Variants in ZPBP observed in about 807,000 individuals in gnomAD.
The protein encoded by ZPBP is zona pellucida binding protein, also known as zona pellucida-binding protein 1.
Under a neutral mutation model 44.8 loss-of-function variants are expected in ZPBP, and 26 were observed. The observed-to-expected ratio is 0.58, with a 90% CI of 0.43 to 0.81. The LOEUF is 0.81. Among genes scored for constraint, ZPBP ranks in the 30% least tolerant of loss-of-function variants. ZPBP has a pLI of 0.00. For synonymous variants in ZPBP, 174 were observed against 153.2 expected (o/e 1.14, Z -1.00); for missense variants, 409 against 434.0 (o/e 0.94, Z 0.51).
intron 5 of ZPBP, among the ~76,000 whole-genome samples, chr7:50,019,405 T>C (rs554549910): frequency 1.3e-5 from 2 of 152,132 alleles, no homozygotes; most frequent in South Asian, 2.1e-4. Flanking sequence ...CTTAATAACA[T>C]CTTCACTTCC....
intron 2 of ZPBP, among the ~76,000 whole-genome samples, chr7:49,885,249 G>A (rs1378330939): frequency 6.6e-6 from 1 of 152,088 alleles, no homozygotes; most frequent in Non-Finnish European, 1.5e-5. Context: ...TGAAAAGCGA[G>A]TAATATGTCT....
At chr7:50,049,350 A>T (rs1800568469) in intron 4 of ZPBP, among the ~76,000 whole-genome samples, 1 of 152,106 alleles carries the variant, frequency 6.6e-6, no homozygotes, top group African/African-American at 2.4e-5. Flanking sequence ...TAAACCAAAG[A>T]CATCACAAGA....
At chr7:49,927,941 A>C (rs1181011153) in intron 1 of ZPBP, among the ~76,000 whole-genome samples, 1 of 152,184 alleles carries the variant, frequency 6.6e-6, no homozygotes, top group African/African-American at 2.4e-5. Flanking sequence ...AGATTTCGAT[A>C]TGAACACAGC....
chr7:49,954,242 T>G (rs1158014010), intron 7 of ZPBP, among the ~76,000 whole-genome samples: 1 of 152,156 alleles, frequency 6.6e-6, no homozygotes. Context: ...GATTTCCAAC[T>G]GCAAAAGAAT....
intron 7 of ZPBP, among the ~76,000 whole-genome samples, chr7:49,972,981 A>G (rs544756348): frequency 7.2e-5 from 11 of 152,164 alleles, no homozygotes; most frequent in African/African-American, 2.6e-4. Context: ...TGGGTAAAAG[A>G]TTGTCTTTTC....
At chr7:49,912,115 C>T in intron 1 of ZPBP, 1 of 1,614,092 alleles carries the variant, frequency 6.2e-7, no homozygotes, top group Non-Finnish European at 8.5e-7. Flanking sequence ...TGCCACTGTA[C>T]TTATGAGGAA....
downstream of ZPBP, among the ~76,000 whole-genome samples, chr7:49,846,228 C>A (rs1001105469): frequency 6.6e-6 from 1 of 152,164 alleles, no homozygotes; most frequent in African/African-American, 2.4e-5. Flanking sequence ...AAAGAGTCGC[C>A]CCCAAGACTG....
chr7:50,004,695 A>T (rs761833292), intron 6 of ZPBP, among the ~76,000 whole-genome samples: 13 of 152,114 alleles, frequency 8.5e-5, no homozygotes, highest in Non-Finnish European at 1.6e-4. Context: ...AGAATCAATG[A>T]GGCAGAAGAA....
At chr7:49,960,514 T>G (rs533399304) in intron 7 of ZPBP, among the ~76,000 whole-genome samples, 1 of 151,854 alleles carries the variant, frequency 6.6e-6, no homozygotes, top group Non-Finnish European at 1.5e-5. Flanking sequence ...AACTATAGAA[T>G]AGAATAAATA....
rs141326003 is a variant in ZPBP, at chr7:50,081,011, C to A, written c.334+763G>T. Among the ~76,000 whole-genome samples the A allele has an allele frequency of 8.1e-4, 123 of 151,808 alleles. 1 individual carries two copies. Among genetic ancestry groups the A allele is most frequent in the African/African-American group, 2.7e-3 (112 of 41,486 alleles). On this transcript the variant is annotated intron_variant, in intron 3 of 7. Transcript: ENST00000046087. ...TTAAAATTACCTATTTTTGTATCAA[C>A]ATAAATACCACAGAAACATACAGCT...
At chr7:49,959,838 A>G (rs2128763726) in intron 7 of ZPBP, among the ~76,000 whole-genome samples, 1 of 152,352 alleles carries the variant, frequency 6.6e-6, no homozygotes, top group East Asian at 1.9e-4. Flanking sequence ...TGTGATTTCA[A>G]TAGTTACTAT....
chr7:50,041,318 G>C (rs1311165810), intron 4 of ZPBP, among the ~76,000 whole-genome samples: 1 of 152,196 alleles, frequency 6.6e-6, no homozygotes, highest in Non-Finnish European at 1.5e-5. Flanking sequence ...CTAAGGAACA[G>C]ACCACCTCCT....
chr7:50,037,719 A>C (rs536197127), intron 4 of ZPBP, among the ~76,000 whole-genome samples: 2 of 152,288 alleles, frequency 1.3e-5, no homozygotes, highest in Admixed American at 1.3e-4. Flanking sequence ...AAGACAGCCA[A>C]ACCATATCAA....
At chr7:50,043,792 G>C (rs1800209662) in intron 4 of ZPBP, among the ~76,000 whole-genome samples, 1 of 152,120 alleles carries the variant, frequency 6.6e-6, no homozygotes, top group Non-Finnish European at 1.5e-5. Flanking sequence ...TTCAGGACTT[G>C]AACTCAGTTC....
intron 4 of ZPBP, among the ~76,000 whole-genome samples, chr7:50,050,352 A>G (rs551318355): frequency 7.9e-5 from 12 of 152,234 alleles, no homozygotes; most frequent in Non-Finnish European, 1.8e-4. Context: ...GGTTTTCTAT[A>G]TACTTACAGT....
intron 2 of ZPBP, among the ~76,000 whole-genome samples, chr7:49,862,415 A>G (rs1252291024): frequency 6.6e-6 from 1 of 152,164 alleles, no homozygotes; most frequent in Non-Finnish European, 1.5e-5. Context: ...CTAACCGTGA[A>G]TAGAGATAGT....
chr7:49,998,346 C>T (rs1041403241), intron 6 of ZPBP, among the ~76,000 whole-genome samples: 8 of 152,170 alleles, frequency 5.3e-5, no homozygotes, highest in South Asian at 2.1e-4. Flanking sequence ...TAAGACTCTC[C>T]GCTTCAGGGC....
At chr7:49,981,384 A>ATTTTATAATTATATATATTTTAT (rs1466053830) in intron 7 of ZPBP, among the ~76,000 whole-genome samples, 14 of 18,374 alleles carry the variant, frequency 7.6e-4, no homozygotes, top group Non-Finnish European at 7.9e-4. Flanking sequence ...TATTATATAT[A>ATTTTATAATTATATATATTTTAT]ATTATATATA....
At chr7:49,939,408 A>T (rs1794765013) in intron 7 of ZPBP, among the ~76,000 whole-genome samples, 1 of 152,168 alleles carries the variant, frequency 6.6e-6, no homozygotes, top group Non-Finnish European at 1.5e-5. Context: ...TATAGTTCCT[A>T]TGTGTAGCAC....
Sources: gnomAD v4.1 joint callset for allele counts (sites outside exome capture counted in the v4.1 genomes callset) on GRCh38, gnomAD v4.1.1 for gene constraint, MANE v1.5 for transcripts, NCBI Gene and HGNC (gene_info 2026-07-23, HGNC 2026-07-21) for gene names.